Variants in DACH1 observed in about 807,000 individuals in gnomAD.
DACH1 encodes dachshund homolog 1.
In DACH1, 12 loss-of-function variants were observed where a neutral mutation model predicts 54.2. That is an observed-to-expected ratio of 0.22 (90% CI 0.14 to 0.36). DACH1 has a LOEUF of 0.36. Ranked by LOEUF, DACH1 falls within the 10% of genes least tolerant of loss-of-function variation. DACH1 has a pLI of 1.00. For missense variants in DACH1, 805 were observed against 929.8 expected (o/e 0.87, Z 1.75); for synonymous variants, 386 against 366.2 (o/e 1.05, Z -0.62).
intron 1 of DACH1, among the ~76,000 whole-genome samples, chr13:71,695,728 A>G (rs1212710061): frequency 2.6e-5 from 4 of 152,180 alleles, no homozygotes; most frequent in African/African-American, 9.7e-5. Context: ...GCTATATTGC[A>G]AGTCCTTTGA....
intron 6 of DACH1, among the ~76,000 whole-genome samples, chr13:71,502,239 A>C (rs1381737998): frequency 6.6e-6 from 1 of 152,154 alleles, no homozygotes; most frequent in East Asian, 1.9e-4. Context: ...ATTCCATCAA[A>C]TTGACTACTA....
At chr13:71,638,178 T>G (rs1877628069) in intron 2 of DACH1, among the ~76,000 whole-genome samples, 1 of 152,224 alleles carries the variant, frequency 6.6e-6, no homozygotes, top group Admixed American at 6.5e-5. Context: ...CAATGGTAGT[T>G]ATTATTTTGG....
At chr13:71,551,561 A>C (rs570513445) in intron 6 of DACH1, among the ~76,000 whole-genome samples, 2 of 152,208 alleles carry the variant, frequency 1.3e-5, no homozygotes, top group African/African-American at 4.8e-5. Flanking sequence ...GTCTTTCTGT[A>C]CTTGGCTTAT....
chr13:71,860,587 C>T (rs1208769132), intron 1 of DACH1, among the ~76,000 whole-genome samples: 1 of 151,588 alleles, frequency 6.6e-6, no homozygotes, highest in Non-Finnish European at 1.5e-5. Context: ...ATCTAGATGA[C>T]TCACCTGTAC....
intron 5 of DACH1, among the ~76,000 whole-genome samples, chr13:71,558,824 T>C (rs141884508): frequency 2.0e-5 from 3 of 152,064 alleles, no homozygotes; most frequent in African/African-American, 7.2e-5. Context: ...CTTTAAATTA[T>C]CCACTTCAAT....
At chr13:71,767,688 A>G (rs959539881) in intron 1 of DACH1, among the ~76,000 whole-genome samples, 2 of 152,090 alleles carry the variant, frequency 1.3e-5, no homozygotes, top group Non-Finnish European at 2.9e-5. Flanking sequence ...TTTATGGCTC[A>G]GATGCAAAGA....
intron 3 of DACH1, among the ~76,000 whole-genome samples, chr13:71,617,626 C>A (rs1875880749): frequency 6.6e-6 from 1 of 152,130 alleles, no homozygotes; most frequent in Non-Finnish European, 1.5e-5. Flanking sequence ...AGGCTAAAAC[C>A]AAAGACCCGG....
At chr13:71,844,786 G>A (rs1204379637) in intron 1 of DACH1, among the ~76,000 whole-genome samples, 1 of 151,958 alleles carries the variant, frequency 6.6e-6, no homozygotes, top group African/African-American at 2.4e-5. Flanking sequence ...CCATAAAAAA[G>A]AATGAAATCC....
At chr13:71,824,247 T>C (rs1466902439) in intron 1 of DACH1, among the ~76,000 whole-genome samples, 2 of 151,870 alleles carry the variant, frequency 1.3e-5, no homozygotes, top group African/African-American at 2.4e-5. Context: ...TTGGTATTAT[T>C]ATTATTTAAA....
intron 3 of DACH1, among the ~76,000 whole-genome samples, chr13:71,621,768 T>C (rs1876255183): frequency 6.6e-6 from 1 of 152,064 alleles, no homozygotes; most frequent in Non-Finnish European, 1.5e-5. Flanking sequence ...GCTGCAGCGA[T>C]ATTAACTAAC....
intron 1 of DACH1, among the ~76,000 whole-genome samples, chr13:71,716,423 C>T (rs868812140): frequency 2.4e-4 from 36 of 152,054 alleles, no homozygotes; most frequent in African/African-American, 8.7e-4. Context: ...GGTATAATTT[C>T]TCATAACTTT....
chr13:71,548,819 G>C (rs1395604038), intron 6 of DACH1, among the ~76,000 whole-genome samples: 1 of 152,006 alleles, frequency 6.6e-6, no homozygotes, highest in Non-Finnish European at 1.5e-5. Context: ...GGGAGGCTGA[G>C]ACCCAAGGAT....
At chr13:71,851,857 T>C (rs1197599897) in intron 1 of DACH1, among the ~76,000 whole-genome samples, 1 of 152,152 alleles carries the variant, frequency 6.6e-6, no homozygotes, top group Admixed American at 6.6e-5. Flanking sequence ...AATTTTTAGT[T>C]TGAGACCCCA....
chr13:71,752,402 G>GAT (rs1410612050), intron 1 of DACH1, among the ~76,000 whole-genome samples: 13 of 151,972 alleles, frequency 8.6e-5, no homozygotes, highest in Non-Finnish European at 1.5e-5. Context: ...AACCTAGTTT[G>GAT]ATATTATTCA....
intron 1 of DACH1, among the ~76,000 whole-genome samples, chr13:71,787,546 A>G (rs1374630618): frequency 1.3e-5 from 2 of 152,188 alleles, no homozygotes; most frequent in South Asian, 2.1e-4. Context: ...TATGCGCAGC[A>G]TTCTGTGGAT....
intron 1 of DACH1, among the ~76,000 whole-genome samples, chr13:71,811,945 C>T (rs1472914863): frequency 6.6e-6 from 1 of 152,116 alleles, no homozygotes; most frequent in African/African-American, 2.4e-5. Flanking sequence ...TTTCCTTCTA[C>T]CTATTTTTAT....
chr13:71,770,844 C>G (rs1885824273), intron 1 of DACH1, among the ~76,000 whole-genome samples: 1 of 151,566 alleles, frequency 6.6e-6, no homozygotes, highest in African/African-American at 2.4e-5. Flanking sequence ...TGCCTCTTTC[C>G]CTCCAGTGCA....
intron 1 of DACH1, among the ~76,000 whole-genome samples, chr13:71,809,503 T>G (rs1009705411): frequency 6.6e-6 from 1 of 152,170 alleles, no homozygotes; most frequent in East Asian, 1.9e-4. Flanking sequence ...AGATGTGCAC[T>G]TTTGAAATTA....
intron 3 of DACH1, among the ~76,000 whole-genome samples, chr13:71,588,649 T>A (rs1267093733): frequency 6.6e-6 from 1 of 152,014 alleles, no homozygotes; most frequent in East Asian, 1.9e-4. Flanking sequence ...AGTCATTTTT[T>A]CAGAAACAAT....
Sources: allele counts gnomAD v4.1 joint callset (sites outside exome capture counted in the v4.1 genomes callset), GRCh38; gene constraint gnomAD v4.1.1; transcripts MANE v1.5; gene names NCBI Gene and HGNC (gene_info 2026-07-23, HGNC 2026-07-21).